The following ADAMTSL1 variants were observed in gnomAD, a reference collection of about 807,000 sequenced individuals.
ADAMTSL1 encodes the protein ADAMTS like 1.
Under a neutral mutation model 201.8 loss-of-function variants are expected in ADAMTSL1, and 126 were observed. The ratio of observed to expected loss-of-function variants is 0.62; its 90% CI spans 0.54 to 0.72. ADAMTSL1 has a LOEUF of 0.72. Ranked by LOEUF, ADAMTSL1 falls within the 30% of genes least tolerant of loss-of-function variation. The pLI, the probability that ADAMTSL1 is intolerant of heterozygous loss-of-function variation, is 0.00. For synonymous variants in ADAMTSL1, 1,121 were observed against 903.4 expected, an observed-to-expected ratio of 1.24 and a Z score of -4.32; for missense variants, 2,679 against 2,277.8, an observed-to-expected ratio of 1.18 and a Z score of -3.59.
At chr9:18,710,132 C>G (rs974671634) in intron 14 of ADAMTSL1, among the ~76,000 whole-genome samples, 1 of 152,164 alleles carries the variant, frequency 6.6e-6, no homozygotes, top group Non-Finnish European at 1.5e-5. Context: ...CCTCCAGCTT[C>G]CCACACTCCC....
At chr9:18,191,944 T>C (rs1828988774) in intron 2 of ADAMTSL1, among the ~76,000 whole-genome samples, 1 of 152,158 alleles carries the variant, frequency 6.6e-6, no homozygotes, top group Non-Finnish European at 1.5e-5. Context: ...ACTTTAATTA[T>C]AATTGTGTAA....
intron 1 of ADAMTSL1, among the ~76,000 whole-genome samples, chr9:18,503,979 CATGT>C (rs1217688633): frequency 2.6e-5 from 3 of 113,522 alleles, no homozygotes; most frequent in Non-Finnish European, 5.5e-5. Context: ...TATGTGCATG[CATGT>C]GTGTGTGTGT....
At chr9:18,579,947 G>A (rs1242878218) in intron 4 of ADAMTSL1, among the ~76,000 whole-genome samples, 1 of 152,164 alleles carries the variant, frequency 6.6e-6, no homozygotes, top group Non-Finnish European at 1.5e-5. Context: ...AACATGTGCT[G>A]CTGTTAAAAA....
At chr9:18,379,415 T>C (rs1310693696) in intron 2 of ADAMTSL1, among the ~76,000 whole-genome samples, 1 of 152,222 alleles carries the variant, frequency 6.6e-6, no homozygotes, top group African/African-American at 2.4e-5. Flanking sequence ...CCCCTATTGT[T>C]CAGTTTCCTT....
chr9:18,509,244 GT>G (rs1367904590), intron 2 of ADAMTSL1, among the ~76,000 whole-genome samples: 6 of 117,812 alleles, frequency 5.1e-5, no homozygotes, highest in Middle Eastern at 5.3e-3. Flanking sequence ...AAATAGATAT[GT>G]TCTGGGATAT....
rs372933012 is a variant in ADAMTSL1, at chr9:18,383,581, G to A, written c.208-121248G>A. On this transcript the variant is annotated intron_variant, in intron 2 of 29. Coordinates refer to the ADAMTSL1 transcript ENST00000680146. ...GTGTTTCAGGGTTGTTTGTTACTGA[G>A]CAATGAATAACAGATGTGAGGCTTC... Among the ~76,000 whole-genome samples the A allele has an allele frequency of 5.3e-5, 8 of 152,204 alleles. No homozygotes were observed. In the East Asian group the frequency reaches 9.7e-4, roughly 18 times the overall value.
rs755350723 is a variant in ADAMTSL1, at chr9:18,639,421, A to G, written c.834+10A>G. On this transcript the variant is annotated intron_variant, in intron 7 of 28. Transcript: ENST00000380548. The stretch of plus-strand genomic sequence containing the variant: ...AGATTTCATTGTCAAGGTGAGCCCT[A>G]TTTAGATACCTCCTTTTCAAGCCAC... The G allele has an allele frequency of 8.7e-6, 14 of 1,607,648 alleles. No homozygotes were observed. The highest frequency in any genetic ancestry group is 1.3e-5 in the African/African-American group (1 of 74,698).
intron 2 of ADAMTSL1, among the ~76,000 whole-genome samples, chr9:18,427,981 T>A (rs1184257301): frequency 6.6e-6 from 1 of 152,214 alleles, no homozygotes; most frequent in Non-Finnish European, 1.5e-5. Context: ...TCTGCAAAGC[T>A]CTGCAGTGCC....
At position 18,083,727 on chromosome 9, in the gene ADAMTSL1, T is replaced by G. The variant is rs193275034; in HGVS notation, c.88-80135T>G. Among the ~76,000 whole-genome samples the G allele has an allele frequency of 2.3e-3, 357 of 152,336 alleles. 2 individuals are homozygous for G. The highest frequency in any genetic ancestry group is 1.4e-3 in the Non-Finnish European group (95 of 68,024). On this transcript the variant is annotated intron_variant, in intron 1 of 29. Coordinates refer to the ADAMTSL1 transcript ENST00000680146. ...AGAGTTATGTGGACAACCTCGTCCA[T>G]AAGACGTACATAATGTTTCTGGGTA...
At position 18,858,354 on chromosome 9, in the gene ADAMTSL1, C is replaced by T. The variant is rs548731715; in HGVS notation, c.4249+28377C>T. Among the ~76,000 whole-genome samples the T allele has an allele frequency of 2.0e-5, 3 of 152,286 alleles. No homozygotes were observed. In the South Asian group the frequency reaches 6.2e-4, roughly 32 times the overall value. ...GGTTCTACATCCCTCCTCAGGTCACCACTGCACCCCTGGTTTAGATGCCCT... is the reference window on the plus strand; with the variant it reads ...GGTTCTACATCCCTCCTCAGGTCACTACTGCACCCCTGGTTTAGATGCCCT... On this transcript the variant is annotated intron_variant, in intron 23 of 28. Coordinates refer to ENST00000380548, the MANE Select transcript of ADAMTSL1 (RefSeq NM_001040272.6).
At position 17,924,462 on chromosome 9, in the gene ADAMTSL1, G is replaced by C. The variant is rs541239467; in HGVS notation, c.87+17540G>C. On this transcript the variant is annotated intron_variant, in intron 1 of 29. Coordinates refer to the ADAMTSL1 transcript ENST00000680146. ...TGGTAGTTTGTATTTCTGTGGGATC[G>C]GTGGTGATATCCAAAACAGCATGGT... Among the ~76,000 whole-genome samples, 5 of 152,026 alleles carry C rather than the reference G, an allele frequency of 3.3e-5. No individual in the cohort carries two copies. The South Asian group carries it at 6.2e-4, about 19-fold the overall frequency.
intron 23 of ADAMTSL1, among the ~76,000 whole-genome samples, chr9:18,847,099 G>T (rs1386106746): frequency 6.6e-6 from 1 of 152,210 alleles, no homozygotes; most frequent in Non-Finnish European, 1.5e-5. Flanking sequence ...TAAATGCTAG[G>T]TCCTGTGCCT....
At position 18,071,774 on chromosome 9, in the gene ADAMTSL1, T is replaced by C. The variant is rs116673537; in HGVS notation, c.88-92088T>C. Among the ~76,000 whole-genome samples, 766 of 152,170 alleles carry C rather than the reference T, an allele frequency of 5.0e-3. 4 individuals are homozygous for C. The highest frequency in any genetic ancestry group is 0.017 in the African/African-American group (711 of 41,536). ...TGCCCATACCTCAGAGTACAGCCGG[T>C]GAATTATTTGATGCGTTGTGTGTTC... On this transcript the variant is annotated intron_variant, in intron 1 of 29. Transcript: ENST00000680146.
At chr9:18,174,637 C>G (rs943040130) in intron 2 of ADAMTSL1, among the ~76,000 whole-genome samples, 1 of 151,982 alleles carries the variant, frequency 6.6e-6, no homozygotes, top group Admixed American at 6.6e-5. Context: ...AGAGTTAGTG[C>G]TATTTCAGAG....
intron 2 of ADAMTSL1, among the ~76,000 whole-genome samples, chr9:18,454,357 G>A (rs547483964): frequency 2.6e-5 from 4 of 152,212 alleles, no homozygotes; most frequent in East Asian, 1.9e-4. Context: ...GACCCTAGCC[G>A]ATTGGATGGT....
chr9:18,654,392 A>G (rs189837406), intron 7 of ADAMTSL1, among the ~76,000 whole-genome samples: 1 of 152,290 alleles, frequency 6.6e-6, no homozygotes, highest in Non-Finnish European at 1.5e-5. Context: ...CACAAACAAT[A>G]GTTAGAAATT....
chr9:18,602,254 C>T (rs1233500713), intron 4 of ADAMTSL1, among the ~76,000 whole-genome samples: 1 of 152,142 alleles, frequency 6.6e-6, no homozygotes, highest in Non-Finnish European at 1.5e-5. Flanking sequence ...TAATGATAGA[C>T]AAGCCATGGA....
chr9:18,096,218 T>C (rs1473870712), intron 1 of ADAMTSL1, among the ~76,000 whole-genome samples: 1 of 152,222 alleles, frequency 6.6e-6, no homozygotes, highest in African/African-American at 2.4e-5. Flanking sequence ...TTTCATCAAG[T>C]AGAATTGTTA....
intron 26 of ADAMTSL1, among the ~76,000 whole-genome samples, chr9:18,903,644 T>A (rs977803903): frequency 1.3e-4 from 20 of 152,214 alleles, no homozygotes; most frequent in Admixed American, 1.3e-3. Flanking sequence ...CACAGTTTCC[T>A]TCTAAGGGGG....
Sources: allele counts gnomAD v4.1 joint callset (sites outside exome capture counted in the v4.1 genomes callset), GRCh38; gene constraint gnomAD v4.1.1; transcripts MANE v1.5; gene names NCBI Gene and HGNC (gene_info 2026-07-23, HGNC 2026-07-21).